ARHGAP15: variants seen among roughly 807,000 people sequenced by gnomAD.
ARHGAP15 encodes the protein rho GTPase-activating protein 15.
Under a neutral mutation model 63.7 loss-of-function variants are expected in ARHGAP15, and 51 were observed. The ratio of observed to expected loss-of-function variants is 0.80; its 90% CI spans 0.64 to 1.01. The LOEUF (loss-of-function observed/expected upper bound fraction) is 1.01, where lower values mean the gene tolerates loss of function less well. Ranked by LOEUF, ARHGAP15 falls within the 50% of genes least tolerant of loss-of-function variation. ARHGAP15 has a pLI of 0.00. For synonymous variants in ARHGAP15, 191 were observed against 193.8 expected (o/e 0.99, Z 0.12); for missense variants, 560 against 564.6 (o/e 0.99, Z 0.08).
rs1351492078 is a variant in ARHGAP15 at position 143,763,634 on chromosome 2, C to T, written c.1245-4355C>T. Among the ~76,000 whole-genome samples, 6 of 148,614 alleles carry T rather than the reference C, an allele frequency of 4.0e-5. No homozygotes were observed. The East Asian group carries it at 5.8e-4, about 14-fold the overall frequency. On this transcript the variant is annotated intron_variant, in intron 13 of 13. Coordinates refer to ENST00000295095, the MANE Select transcript of ARHGAP15 (RefSeq NM_018460.4). ...TTGCATATATATAAATAATAAATTG[C>T]ATATATATGCAAATTGCATATATAT...
At chr2:143,425,373 C>T (rs1307230740) in intron 6 of ARHGAP15, among the ~76,000 whole-genome samples, 1 of 151,824 alleles carries the variant, frequency 6.6e-6, no homozygotes, top group Non-Finnish European at 1.5e-5. Flanking sequence ...CACATATGTA[C>T]ACATGTACTA....
intron 13 of ARHGAP15, among the ~76,000 whole-genome samples, chr2:143,706,077 T>C (rs1684312332): frequency 1.3e-5 from 2 of 152,220 alleles, no homozygotes; most frequent in African/African-American, 2.4e-5. Flanking sequence ...TGTTGTTTGC[T>C]AGCCACCAAC....
intron 13 of ARHGAP15, among the ~76,000 whole-genome samples, chr2:143,740,852 C>T (rs9678454): frequency 1.0e-3 from 156 of 152,196 alleles, no homozygotes; most frequent in African/African-American, 3.4e-3. Flanking sequence ...ATTTACACTG[C>T]CTTTTGTTTT....
intron 6 of ARHGAP15, among the ~76,000 whole-genome samples, chr2:143,396,639 C>T (rs774752975): frequency 3.1e-4 from 47 of 149,570 alleles, no homozygotes; most frequent in Admixed American, 1.0e-3. Context: ...TTAATCTAAA[C>T]GGGTATCTCC....
intron 6 of ARHGAP15, among the ~76,000 whole-genome samples, chr2:143,252,481 G>A (rs1412707194): frequency 6.6e-6 from 1 of 151,880 alleles, no homozygotes; most frequent in Admixed American, 6.6e-5. Flanking sequence ...AGCTAGTTTT[G>A]TTTGTAATGT....
intron 6 of ARHGAP15, among the ~76,000 whole-genome samples, chr2:143,369,726 G>A (rs1686459280): frequency 6.6e-6 from 1 of 152,014 alleles, no homozygotes; most frequent in South Asian, 2.1e-4. Context: ...GACCATTTTA[G>A]TGCAAGGTAT....
chr2:143,708,909 T>A (rs1419312479), intron 13 of ARHGAP15, among the ~76,000 whole-genome samples: 2 of 152,110 alleles, frequency 1.3e-5, no homozygotes, highest in Non-Finnish European at 2.9e-5. Flanking sequence ...AGGGCCATAC[T>A]CTGTGTCCCA....
chr2:143,162,187 C>T (rs77356420), intron 2 of ARHGAP15: 2 of 151,908 alleles, frequency 1.3e-5, no homozygotes, highest in South Asian at 2.1e-4. Context: ...CTGATTATCC[C>T]GAAGTCACTG....
At chr2:143,532,840 T>C (rs1694577669) in intron 10 of ARHGAP15, among the ~76,000 whole-genome samples, 1 of 152,228 alleles carries the variant, frequency 6.6e-6, no homozygotes, top group Admixed American at 6.5e-5. Context: ...TGCATAGATA[T>C]ACCAAATGGG....
intron 12 of ARHGAP15, among the ~76,000 whole-genome samples, chr2:143,687,087 G>A (rs1574841137): frequency 6.6e-6 from 1 of 152,228 alleles, no homozygotes; most frequent in African/African-American, 2.4e-5. Flanking sequence ...CAAAATTAAA[G>A]TTTAGGGATA....
rs548831739 is a variant in ARHGAP15 at position 143,592,731 on chromosome 2, C to T, written c.1004-31402C>T. Among the ~76,000 whole-genome samples the T allele has an allele frequency of 2.6e-5, 4 of 152,348 alleles. No individual in the cohort carries two copies. The South Asian group carries it at 8.3e-4, about 32-fold the overall frequency. ...GCCCTTGGACACTTAGCTTATGCTT[C>T]ATACAAAACCTGTGAAATGGTTAAT... On this transcript the variant is annotated intron_variant, in intron 11 of 13. Coordinates refer to ENST00000295095, the MANE Select transcript of ARHGAP15 (RefSeq NM_018460.4).
intron 12 of ARHGAP15, among the ~76,000 whole-genome samples, chr2:143,654,212 A>G (rs897135658): frequency 6.6e-6 from 1 of 152,132 alleles, no homozygotes; most frequent in African/African-American, 2.4e-5. Context: ...GATTTGGAAG[A>G]TTTGTTGGAG....
intron 8 of ARHGAP15, among the ~76,000 whole-genome samples, chr2:143,437,524 A>T (rs1306296695): frequency 6.6e-6 from 1 of 152,188 alleles, no homozygotes; most frequent in Non-Finnish European, 1.5e-5. Context: ...ATGGGATGTG[A>T]ATTAGATGTT....
chr2:143,172,937 A>G (rs574888686), intron 2 of ARHGAP15, among the ~76,000 whole-genome samples: 4 of 152,232 alleles, frequency 2.6e-5, no homozygotes, highest in African/African-American at 9.6e-5. Context: ...GCGTAGAAAT[A>G]TAAGAGGGCT....
intron 3 of ARHGAP15, 152 bp downstream of exon 3, chr2:143,202,354 C>G: frequency 1.6e-6 from 1 of 644,422 alleles, no homozygotes; most frequent in Non-Finnish European, 2.8e-6. Context: ...CTTGGAGTCT[C>G]TCAAAACGTT....
intron 6 of ARHGAP15, among the ~76,000 whole-genome samples, chr2:143,432,770 C>T (rs908568154): frequency 4.7e-4 from 71 of 152,168 alleles, no homozygotes; most frequent in African/African-American, 1.7e-3. Context: ...CTGCACACTT[C>T]ATTAAGGTTA....
chr2:143,591,627 CTTTTT>C (rs975290171), intron 11 of ARHGAP15, among the ~76,000 whole-genome samples: 13 of 89,764 alleles, frequency 1.4e-4, no homozygotes, highest in Non-Finnish European at 2.5e-4. Flanking sequence ...TTTTTTTTTT[CTTTTT>C]TTTTTTAGAG....
At chr2:143,403,539 G>GA (rs760052260) in intron 6 of ARHGAP15, among the ~76,000 whole-genome samples, 216 of 149,832 alleles carry the variant, frequency 1.4e-3, no homozygotes, top group Non-Finnish European at 2.3e-3. Context: ...GATCAAATTA[G>GA]AAAAAAAAAT....
intron 8 of ARHGAP15, among the ~76,000 whole-genome samples, chr2:143,440,526 A>T (rs1689827713): frequency 6.6e-6 from 1 of 152,158 alleles, no homozygotes; most frequent in South Asian, 2.1e-4. Context: ...TTACTTTTTT[A>T]AAAGGCATGT....
Sources: allele counts gnomAD v4.1 joint callset (sites outside exome capture counted in the v4.1 genomes callset), GRCh38; gene constraint gnomAD v4.1.1; transcripts MANE v1.5; gene names NCBI Gene and HGNC (gene_info 2026-07-23, HGNC 2026-07-21).